JAK1: variants seen among roughly 807,000 people sequenced by gnomAD.
The protein encoded by JAK1 is Janus kinase 1, also known as tyrosine-protein kinase JAK1.
JAK1 carries 16 observed loss-of-function variants against 136.6 expected under a neutral mutation model. The observed-to-expected ratio is 0.12, with a 90% CI of 0.08 to 0.18. JAK1 has a LOEUF of 0.18. Among genes scored for constraint, JAK1 ranks in the 10% least tolerant of loss-of-function variants. JAK1 has a pLI of 1.00. For synonymous variants in JAK1, 492 were observed against 519.5 expected (o/e 0.95, Z 0.72); for missense variants, 859 against 1,450.1 (o/e 0.59, Z 6.62).
At chr1:64,890,019 G>A (rs1307260510) in intron 1 of JAK1, among the ~76,000 whole-genome samples, 1 of 152,138 alleles carries the variant, frequency 6.6e-6, no homozygotes, top group Non-Finnish European at 1.5e-5. Flanking sequence ...CAAACCTTTT[G>A]ATTTCTGAAG....
chr1:64,960,439 A>G (rs1335780093), intron 1 of JAK1, among the ~76,000 whole-genome samples: 2 of 148,928 alleles, frequency 1.3e-5, no homozygotes, highest in African/African-American at 2.5e-5. Context: ...GCCTCCAAAA[A>G]CAGACTATCA....
At chr1:64,883,544 T>C in intron 2 of JAK1, 69 bp from the exon 3 acceptor site, 1 of 1,355,486 alleles carries the variant, frequency 7.4e-7, no homozygotes, top group Non-Finnish European at 1.0e-6. Context: ...CAAAAGGGAG[T>C]GTTCTGAAGG....
At chr1:64,914,534 G>A (rs1035222947) in intron 1 of JAK1, among the ~76,000 whole-genome samples, 2 of 152,124 alleles carry the variant, frequency 1.3e-5, no homozygotes, top group Non-Finnish European at 1.5e-5. Flanking sequence ...TGGTTGTAAG[G>A]ATAACTGGGA....
At chr1:64,977,138 C>CTTGTTTGTTTGTTTGTTTGT (rs10636048) in intron 2 of JAK1, among the ~76,000 whole-genome samples, 1 of 148,274 alleles carries the variant, frequency 6.7e-6, no homozygotes, top group African/African-American at 2.5e-5. Flanking sequence ...ACAGCTTCAT[C>CTTGTTTGTTTGTTTGTTTGT]TTGTTTGTTT....
intron 8 of JAK1, among the ~76,000 whole-genome samples, chr1:64,862,742 C>T (rs1656428736): frequency 6.6e-6 from 1 of 152,224 alleles, no homozygotes; most frequent in African/African-American, 2.4e-5. Context: ...CTCCCTCACT[C>T]CCTTCGGGGT....
intron 1 of JAK1, among the ~76,000 whole-genome samples, chr1:64,945,263 T>C (rs756531159): frequency 7.6e-4 from 116 of 152,020 alleles, no homozygotes; most frequent in Non-Finnish European, 1.5e-3. Context: ...TTTCAAGGCA[T>C]GGAAAAAGGT....
At chr1:65,011,020 C>T (rs1217246726) in intron 2 of JAK1, among the ~76,000 whole-genome samples, 1 of 152,186 alleles carries the variant, frequency 6.6e-6, no homozygotes, top group African/African-American at 2.4e-5. Context: ...TTTATATTCA[C>T]AACTTGAATA....
chr1:65,019,898 A>C (rs1448191374), intron 2 of JAK1, among the ~76,000 whole-genome samples: 1 of 150,198 alleles, frequency 6.7e-6, no homozygotes, highest in Non-Finnish European at 1.5e-5. Context: ...CCTGGGTGAC[A>C]GAGCGAGACT....
At chr1:64,879,287 C>A (rs148801098) in intron 3 of JAK1, 139 bp from the exon 4 acceptor site, 197 of 970,010 alleles carry the variant, frequency 2.0e-4, no homozygotes, top group Non-Finnish European at 2.9e-4. Flanking sequence ...TTAGGGCAAA[C>A]AGACTTCCGA....
At chr1:65,059,623 T>A (rs540762259) in intron 1 of JAK1, among the ~76,000 whole-genome samples, 85 of 152,312 alleles carry the variant, frequency 5.6e-4, no homozygotes, top group African/African-American at 2.0e-3. Flanking sequence ...CTGAAGTCAT[T>A]TTAGGGATGA....
At chr1:64,972,046 G>T (rs958789683) in intron 2 of JAK1, among the ~76,000 whole-genome samples, 1 of 152,258 alleles carries the variant, frequency 6.6e-6, no homozygotes, top group Admixed American at 6.5e-5. Flanking sequence ...AGAAAAAAGT[G>T]TGACAGATAC....
chr1:64,926,684 C>T (rs1645589366), intron 1 of JAK1, among the ~76,000 whole-genome samples: 2 of 152,062 alleles, frequency 1.3e-5, no homozygotes, highest in South Asian at 2.1e-4. Context: ...TTACTGATGA[C>T]GAAACTGAGG....
chr1:64,843,272 C>T (rs889078392), intron 17 of JAK1, among the ~76,000 whole-genome samples: 8 of 152,178 alleles, frequency 5.3e-5, no homozygotes, highest in South Asian at 4.1e-4. Context: ...CTCTCACAGC[C>T]GAAACTGATG....
intron 1 of JAK1, among the ~76,000 whole-genome samples, chr1:64,901,110 T>C (rs1645098978): frequency 6.6e-6 from 1 of 152,196 alleles, no homozygotes; most frequent in Non-Finnish European, 1.5e-5. Context: ...GGACTGCAGC[T>C]GTTATCTGGG....
chr1:65,017,352 C>A (rs746204401), intron 2 of JAK1, among the ~76,000 whole-genome samples: 8 of 152,068 alleles, frequency 5.3e-5, no homozygotes, highest in African/African-American at 1.4e-4. Context: ...CCTGTAGTCC[C>A]AGCTACTCGG....
chr1:64,960,945 G>A (rs967122149), intron 1 of JAK1, among the ~76,000 whole-genome samples: 3 of 152,138 alleles, frequency 2.0e-5, no homozygotes, highest in Non-Finnish European at 4.4e-5. Flanking sequence ...TGTTGACAAT[G>A]GTGTTTGCCC....
chr1:64,885,654 G>C (rs1458530514), intron 2 of JAK1, among the ~76,000 whole-genome samples: 1 of 152,000 alleles, frequency 6.6e-6, no homozygotes, highest in Non-Finnish European at 1.5e-5. Flanking sequence ...TCGGGAGGCT[G>C]AGACAGGAGA....
At chr1:64,899,982 C>T (rs1410240557) in intron 1 of JAK1, among the ~76,000 whole-genome samples, 1 of 152,060 alleles carries the variant, frequency 6.6e-6, no homozygotes, top group Non-Finnish European at 1.5e-5. Context: ...TGTGAGTATT[C>T]CAAGGTGTTT....
At chr1:65,030,830 C>A (rs1647016412) in intron 2 of JAK1, among the ~76,000 whole-genome samples, 1 of 152,114 alleles carries the variant, frequency 6.6e-6, no homozygotes, top group South Asian at 2.1e-4. Flanking sequence ...CCGCACCTGG[C>A]CTCAGTGACC....
Sources: gnomAD v4.1 joint callset for allele counts (sites outside exome capture counted in the v4.1 genomes callset) on GRCh38, gnomAD v4.1.1 for gene constraint, MANE v1.5 for transcripts, NCBI Gene and HGNC (gene_info 2026-07-23, HGNC 2026-07-21) for gene names.